Variants in MMP26 observed in about 807,000 individuals in gnomAD.
The protein encoded by MMP26 is matrix metalloproteinase-26.
A neutral mutation model predicts 31.0 loss-of-function variants in MMP26; 33 were observed. The ratio of observed to expected loss-of-function variants is 1.06; its 90% CI spans 0.81 to 1.42. The LOEUF (loss-of-function observed/expected upper bound fraction) is 1.42. MMP26 is among the 40% of genes most tolerant of loss of function. The pLI, the probability that MMP26 is intolerant of heterozygous loss-of-function variation, is 0.00. For missense variants in MMP26, 347 were observed against 316.1 expected (o/e 1.10, Z -0.74); for synonymous variants, 122 against 114.9 (o/e 1.06, Z -0.40).
intron 2 of MMP26, among the ~76,000 whole-genome samples, chr11:4,823,292 C>G (rs1210352478): frequency 6.6e-6 from 1 of 152,176 alleles, no homozygotes; most frequent in Non-Finnish European, 1.5e-5. Context: ...TTTCTTACAT[C>G]TCTTCTAACA....
chr11:4,862,722 G>A (rs572848590), intron 2 of MMP26, among the ~76,000 whole-genome samples: 2 of 152,192 alleles, frequency 1.3e-5, no homozygotes, highest in East Asian at 1.9e-4. Flanking sequence ...ATAGTATAAG[G>A]ATTTTCTGTT....
Position 4,882,846 on chromosome 11 carries a change from G to A in MMP26, c.-144-105222G>A. 1.9e-6 allele frequency: 3 copies of A among 1,613,634 alleles called. No homozygotes were observed. On this transcript the variant is annotated intron_variant, in intron 2 of 7. Coordinates refer to ENST00000380390, the MANE Select transcript of MMP26 (RefSeq NM_021801.5). ...CTGCTCCAATCCAAGGGTTCATGGGGTTTTAATGTGAGGGGTCTTAGGGGA... is the reference window on the plus strand; with the variant it reads ...CTGCTCCAATCCAAGGGTTCATGGGATTTTAATGTGAGGGGTCTTAGGGGA...
chr11:4,881,737 T>C, intron 2 of MMP26: 2 of 661,696 alleles, frequency 3.0e-6, no homozygotes, highest in Non-Finnish European at 5.2e-6. Context: ...AGCCTAGATA[T>C]ACTATTTAAC....
rs199939345 is a variant in MMP26 at position 4,838,510 on chromosome 11, G to A, written c.-145+71169G>A. Among the ~76,000 whole-genome samples the A allele has an allele frequency of 1.4e-4, 21 of 151,972 alleles. No homozygotes were observed. In the East Asian group the frequency reaches 3.1e-3, roughly 22 times the overall value. On this transcript the variant is annotated intron_variant, in intron 2 of 7. Coordinates refer to ENST00000380390, the MANE Select transcript of MMP26 (RefSeq NM_021801.5). ...AGTGTACATGGGGAATTGTAGAAGA[G>A]CATTTATTAGAGCATTGCTTGGAGT...
chr11:4,716,937 C>G (rs1847940771), intron 1 of MMP26, among the ~76,000 whole-genome samples: 3 of 152,134 alleles, frequency 2.0e-5, no homozygotes, highest in African/African-American at 7.2e-5. Context: ...GCTGGGATTA[C>G]AGGCATGAGC....
At chr11:4,874,641 A>G (rs1267409609) in intron 2 of MMP26, among the ~76,000 whole-genome samples, 1 of 151,744 alleles carries the variant, frequency 6.6e-6, no homozygotes, top group Non-Finnish European at 1.5e-5. Context: ...TATGATAAAT[A>G]CAAAGTTCAG....
At chr11:4,707,015 T>C (rs1847789548) in intron 1 of MMP26, among the ~76,000 whole-genome samples, 1 of 152,252 alleles carries the variant, frequency 6.6e-6, no homozygotes, top group African/African-American at 2.4e-5. Context: ...ATGTTGGCTA[T>C]TGTGACTAAT....
At chr11:4,951,323 C>T (rs1846371456) in intron 2 of MMP26, among the ~76,000 whole-genome samples, 1 of 124,128 alleles carries the variant, frequency 8.1e-6, no homozygotes, top group South Asian at 2.4e-4. Context: ...TCTTTGATGG[C>T]TTGATTTCTC....
At chr11:4,982,726 T>G (rs11822916) in intron 2 of MMP26, among the ~76,000 whole-genome samples, 3 of 152,126 alleles carry the variant, frequency 2.0e-5, no homozygotes, top group Non-Finnish European at 2.9e-5. Flanking sequence ...AATATTTACA[T>G]GACTTTTAAA....
intron 1 of MMP26, among the ~76,000 whole-genome samples, chr11:4,719,800 A>G (rs988964556): frequency 6.6e-6 from 1 of 152,210 alleles, no homozygotes; most frequent in Non-Finnish European, 1.5e-5. Context: ...TTTGAGATGA[A>G]TCATTTTCAA....
chr11:4,919,895 T>C (rs1228167610), intron 2 of MMP26, among the ~76,000 whole-genome samples: 1 of 152,176 alleles, frequency 6.6e-6, no homozygotes, highest in Non-Finnish European at 1.5e-5. Flanking sequence ...CTCCTCTTCC[T>C]GTCTCTGATC....
intron 2 of MMP26, among the ~76,000 whole-genome samples, chr11:4,864,035 T>A (rs551536833): frequency 1.2e-4 from 18 of 152,292 alleles, no homozygotes; most frequent in African/African-American, 3.4e-4. Flanking sequence ...TTCAGTTCAG[T>A]TCAGTGACTC....
chr11:4,937,877 T>C (rs576296404), intron 2 of MMP26: 1 of 152,376 alleles, frequency 6.6e-6, no homozygotes, highest in Non-Finnish European at 1.5e-5. Flanking sequence ...GCTCTGGGAC[T>C]AGTTAAGATA....
At chr11:4,867,002 C>G (rs1850244326) in intron 2 of MMP26, among the ~76,000 whole-genome samples, 1 of 152,008 alleles carries the variant, frequency 6.6e-6, no homozygotes, top group Non-Finnish European at 1.5e-5. Flanking sequence ...CTAGACAATA[C>G]CATTCAGGTC....
chr11:4,938,866 A>G (rs1203163432), intron 2 of MMP26, among the ~76,000 whole-genome samples: 1 of 152,092 alleles, frequency 6.6e-6, no homozygotes, highest in Non-Finnish European at 1.5e-5. Context: ...CCTTTAGAAA[A>G]TATGTAGTCT....
chr11:4,981,644 T>C lies in MMP26; in HGVS notation c.-144-6424T>C, dbSNP rs188529470. Among the ~76,000 whole-genome samples the C allele has an allele frequency of 8.2e-3, 1,228 of 149,398 alleles. 21 individuals are homozygous for C. Among genetic ancestry groups the C allele is most frequent in the African/African-American group, 0.029 (1,168 of 40,762 alleles). On this transcript the variant is annotated intron_variant, in intron 2 of 7. Coordinates refer to ENST00000380390, the MANE Select transcript of MMP26 (RefSeq NM_021801.5). ...ACCCTAAATTTAGCTTAAAACTTTC[T>C]TATTTAATAATAAATTAACCTATCT...
intron 2 of MMP26, among the ~76,000 whole-genome samples, chr11:4,927,971 GT>G (rs200931073): frequency 0.018 from 2,768 of 152,164 alleles, 35 homozygotes; most frequent in Middle Eastern, 0.037. Context: ...GATGTTTCTA[GT>G]TGTGCATTTC....
At chr11:4,781,887 T>G (rs1235572159) in intron 2 of MMP26, among the ~76,000 whole-genome samples, 1 of 152,196 alleles carries the variant, frequency 6.6e-6, no homozygotes, top group Non-Finnish European at 1.5e-5. Flanking sequence ...TGTTTGGAAC[T>G]CATTCTCTAT....
chr11:4,956,169 T>G (rs1284576081), intron 2 of MMP26, among the ~76,000 whole-genome samples: 1 of 152,184 alleles, frequency 6.6e-6, no homozygotes, highest in Non-Finnish European at 1.5e-5. Context: ...TGAGAATATC[T>G]GGGCACTTAC....
Sources: allele counts gnomAD v4.1 joint callset (sites outside exome capture counted in the v4.1 genomes callset), GRCh38; gene constraint gnomAD v4.1.1; transcripts MANE v1.5; gene names NCBI Gene and HGNC (gene_info 2026-07-23, HGNC 2026-07-21).